The following RASGRP2 variants were observed in gnomAD, a reference collection of about 807,000 sequenced individuals.
RASGRP2 encodes RAS guanyl-releasing protein 2.
RASGRP2 carries 44 observed loss-of-function variants against 71.0 expected under a neutral mutation model. The observed-to-expected ratio is 0.62, with a 90% CI of 0.49 to 0.80. RASGRP2 has a LOEUF of 0.80. Among genes scored for constraint, RASGRP2 ranks in the 30% least tolerant of loss-of-function variants. RASGRP2 has a pLI of 0.00. For synonymous variants in RASGRP2, 350 were observed against 330.7 expected, an observed-to-expected ratio of 1.06 and a Z score of -0.63; for missense variants, 663 against 813.4, an observed-to-expected ratio of 0.82 and a Z score of 2.25.
In RASGRP2 at chr11:64,743,605, C is replaced by A; in HGVS notation, c.-72+398G>T. 1 of 386,388 alleles carries A rather than the reference C, an allele frequency of 2.6e-6. No homozygotes were observed. The highest frequency in any genetic ancestry group is 8.6e-5 in the East Asian group (1 of 11,656). 23.9% of individuals were successfully genotyped at this position (386,388 alleles called of 1,614,324 possible). A position where few individuals can be genotyped will look rare whatever the true frequency, so the allele number is the denominator to read the frequency against. ...GCCTGGGAACTGAGCGCTCCCAGGC[C>A]ACCTCCGCAAAGGTCCCAGGGGTCC... On this transcript the variant is annotated intron_variant, in intron 1 of 16. Coordinates refer to ENST00000394432, the MANE Select transcript of RASGRP2 (RefSeq NM_001098671.2). This position sits in a 1 kb window ranked among gnomAD's most constrained non-coding sequence, Gnocchi z 4.9.
chr11:64,741,489 G>T lies in RASGRP2; in HGVS notation c.189C>A (p.Ser63=). The T allele has an allele frequency of 6.3e-7, 1 of 1,580,650 alleles. No individual in the cohort carries two copies. The highest frequency in any genetic ancestry group is 2.3e-5 in the East Asian group (1 of 43,688). Residue 63 remains serine (S), a synonymous_variant, in exon 4 of 17, where the codon TCC becomes TCA. Transcript: ENST00000394432. ...GCAGGGAATTGGAGTTGTCCTTCCG[G>T]GATTGTTGGTAGGTGAAGGAGAGGG... ...AAKLLHIYQQ[S]RKDNSNSLQV... is the part of the protein sequence containing the mutation.
At chr11:64,741,529 T>C in intron 3 of RASGRP2, 28 bp from the exon 4 acceptor site, 1 of 1,539,036 alleles carries the variant, frequency 6.5e-7, no homozygotes, top group Non-Finnish European at 8.9e-7. Flanking sequence ...GGAGGCCGCT[T>C]AACTCTAGAA....
At chr11:64,731,477 A>C (rs2057768207) in intron 12 of RASGRP2, among the ~76,000 whole-genome samples, 1 of 152,212 alleles carries the variant, frequency 6.6e-6, no homozygotes. Context: ...TATTGAGCAC[A>C]CAAAAGTTTT....
chr11:64,743,984 A>T lies in RASGRP2; in HGVS notation c.-72+19T>A. The T allele has an allele frequency of 2.0e-6, 2 of 988,904 alleles. No homozygotes were observed. Among genetic ancestry groups the T allele is most frequent in the Non-Finnish European group, 2.4e-6 (2 of 831,302 alleles). The allele number at this position is 988,904 out of a possible 1,614,324, so 61.3% of individuals were successfully genotyped here. On this transcript the variant is annotated intron_variant, in intron 1 of 16. Coordinates refer to ENST00000394432, the MANE Select transcript of RASGRP2 (RefSeq NM_001098671.2). This position sits in a 1 kb window ranked among gnomAD's most constrained non-coding sequence, Gnocchi z 4.9. Reference sequence around the variant, plus strand: ...CACCCTGTGCACACCTGCACGAAGAAACCCTCAGGCACACATACCCAGCTC... The same window carrying T: ...CACCCTGTGCACACCTGCACGAAGATACCCTCAGGCACACATACCCAGCTC...
At chr11:64,728,491 G>A (rs558375185) in intron 15 of RASGRP2, among the ~76,000 whole-genome samples, 16 of 151,366 alleles carry the variant, frequency 1.1e-4, no homozygotes, top group South Asian at 2.1e-4. Context: ...GCAGTGGCGC[G>A]ATCTCGGCTC....
chr11:64,737,132 A>C, intron 8 of RASGRP2, 98 bp from the exon 9 acceptor site: 1 of 1,484,882 alleles, frequency 6.7e-7, no homozygotes, highest in Non-Finnish European at 9.2e-7. Context: ...AGGGTCAGGG[A>C]CAGGTGAAAG....
chr11:64,742,555 G>C lies in RASGRP2; in HGVS notation c.73+239C>G, dbSNP rs909134412. The C allele has an allele frequency of 1.5e-5, 9 of 609,892 alleles. No homozygotes were observed. The highest frequency in any genetic ancestry group is 2.9e-5 in the Admixed American group (1 of 35,050). 37.8% of individuals were successfully genotyped at this position (609,892 alleles called of 1,614,324 possible). A position where few individuals can be genotyped will look rare whatever the true frequency, so the allele number is the denominator to read the frequency against. ...ATGCCCCTCAAGTGTCAGAGTCCGG[G>C]ACCCGGCCCTCCCTTCGCCGCCGCT... On this transcript the variant is annotated intron_variant, in intron 2 of 16. Coordinates refer to ENST00000394432, the MANE Select transcript of RASGRP2 (RefSeq NM_001098671.2). The surrounding 1 kb of genome is among the most constrained non-coding windows in gnomAD (Gnocchi z 4.7).
rs576014522 is a variant in RASGRP2 at position 64,742,350 on chromosome 11, G to C, written c.74-238C>G. Among the ~76,000 whole-genome samples the C allele has an allele frequency of 3.3e-5, 5 of 152,306 alleles. No individual in the cohort carries two copies. Among genetic ancestry groups the C allele is most frequent in the African/African-American group, 1.2e-4 (5 of 41,572 alleles). ...GAGCGCCCGAGCCGCCCATCGTCCG[G>C]AGGGGAACCAGCTGGGGCGGAAGGA... On this transcript the variant is annotated intron_variant, in intron 2 of 16. Transcript: ENST00000394432. This position sits in a 1 kb window ranked among gnomAD's most constrained non-coding sequence, Gnocchi z 4.7.
At position 64,739,534 on chromosome 11, in the gene RASGRP2, C is replaced by T; in HGVS notation, c.697-58G>A. On this transcript the variant is annotated intron_variant, in intron 7 of 16. Transcript: ENST00000394432. This position sits in a 1 kb window ranked among gnomAD's most constrained non-coding sequence, Gnocchi z 4.2. ...GTCACTGAGTGGGCCCAGAATTTGG[C>T]CCAGCTTATCTAGAGAGAAGGCAGT... is the stretch of plus-strand genomic sequence containing the variant. The T allele has an allele frequency of 6.2e-7, 1 of 1,609,796 alleles. No homozygotes were observed. The highest frequency in any genetic ancestry group is 1.7e-5 in the Admixed American group (1 of 60,012).
At chr11:64,731,130 G>A (rs1196930292) in intron 12 of RASGRP2, among the ~76,000 whole-genome samples, 1 of 152,204 alleles carries the variant, frequency 6.6e-6, no homozygotes, top group Non-Finnish European at 1.5e-5. Flanking sequence ...GCCAAGGCGG[G>A]TGGATCACGA....
Position 64,743,775 on chromosome 11 carries a change from G to A in RASGRP2, c.-72+228C>T, listed in dbSNP as rs937709555. 3 of 274,882 alleles carry A rather than the reference G, an allele frequency of 1.1e-5. No individual in the cohort carries two copies. Among genetic ancestry groups the A allele is most frequent in the Non-Finnish European group, 2.1e-5 (3 of 139,682 alleles). The allele number at this position is 274,882 out of a possible 1,614,324, so 17.0% of individuals were successfully genotyped here. A position where few individuals can be genotyped will look rare whatever the true frequency, so the allele number is the denominator to read the frequency against. ...CGCCAAGGGTGGCCGGTGGGTGCATGACACCATTAGCAACTCCGGTCACTG... is the reference window on the plus strand; with the variant it reads ...CGCCAAGGGTGGCCGGTGGGTGCATAACACCATTAGCAACTCCGGTCACTG... On this transcript the variant is annotated intron_variant, in intron 1 of 16. Transcript: ENST00000394432. This position sits in a 1 kb window ranked among gnomAD's most constrained non-coding sequence, Gnocchi z 4.9.
Position 64,735,650 on chromosome 11 carries a change from C to T in RASGRP2, c.1188G>A (p.Thr396=), listed in dbSNP as rs1043393083. 1.7e-5 allele frequency: 28 copies of T among 1,612,286 alleles called. No homozygotes were observed. Among genetic ancestry groups the T allele is most frequent in the Admixed American group, 1.5e-4 (9 of 59,670 alleles). Residue 396 remains threonine (T), a synonymous_variant, in exon 11 of 17, where the codon ACG becomes ACA. Transcript: ENST00000394432. This position sits in a 1 kb window ranked among gnomAD's most constrained non-coding sequence, Gnocchi z 4.2. ...PRSKSSPTSP[T]SCTPPPRPPV... The stretch of plus-strand genomic sequence containing the variant: ...GGGGCCGGGGTGGTGGGGTGCAACT[C>T]GTGGGGCTGGTTGGCTATGGAAATG...
At position 64,740,134 on chromosome 11, in the gene RASGRP2, G is replaced by A. The variant is rs750670678; in HGVS notation, c.401C>T (p.Thr134Ile). ...VPTYKWKRQVTQRNPVGQKKR... is the reference protein window; with the variant it reads ...VPTYKWKRQVIQRNPVGQKKR... The stretch of plus-strand genomic sequence containing the variant: ...TTTCTGTCCCACAGGGTTCCGCTGA[G>A]TCACCTGCCGCTTCCACTTGTAGGT... The change falls in exon 6 of 17, where the codon ACT (threonine) becomes ATT (isoleucine). Residue 134 changes from threonine to isoleucine, a missense_variant. Thr to Ile is a moderately conservative substitution (Grantham distance 89). Transcript: ENST00000394432. 1.2e-5 allele frequency: 19 copies of A among 1,614,150 alleles called. No individual in the cohort carries two copies. Among genetic ancestry groups the A allele is most frequent in the Non-Finnish European group, 1.6e-5 (19 of 1,180,036 alleles).
At chr11:64,737,650 A>T (rs1434930734) in intron 8 of RASGRP2, among the ~76,000 whole-genome samples, 1 of 144,064 alleles carries the variant, frequency 6.9e-6, no homozygotes, top group Non-Finnish European at 1.5e-5. Context: ...ACTGCACTCC[A>T]GCCTGGCGAC....
Position 64,730,211 on chromosome 11 carries a change from G to T in RASGRP2, c.1413-17C>A. 1 of 1,551,488 alleles carries T rather than the reference G, an allele frequency of 6.4e-7. No individual in the cohort carries two copies. Among genetic ancestry groups the T allele is most frequent in the South Asian group, 1.2e-5 (1 of 84,058 alleles). Reference sequence around the variant, plus strand: ...CAGCCATCCCTGTGGGGAGTTGCGGGGGCGCTTCAGCTCGGGCCCTCCCCA... The same window carrying T: ...CAGCCATCCCTGTGGGGAGTTGCGGTGGCGCTTCAGCTCGGGCCCTCCCCA... On this transcript the variant is annotated splice_polypyrimidine_tract_variant and intron_variant, in intron 12 of 16. Coordinates refer to ENST00000394432, the MANE Select transcript of RASGRP2 (RefSeq NM_001098671.2).
At position 64,739,467 on chromosome 11, in the gene RASGRP2, G is replaced by A. The variant is rs2135780423; in HGVS notation, c.706C>T (p.Gln236Ter). The A allele has an allele frequency of 1.2e-6, 2 of 1,614,188 alleles. No individual in the cohort carries two copies. Among genetic ancestry groups the A allele is most frequent in the East Asian group, 2.2e-5 (1 of 44,882 alleles). ...ATCAGCGTGTTGAAGTTCTGCAGCTGTAGCAGCTTCTGGAAGGCAAATGGG... is the reference window on the plus strand; with the variant it reads ...ATCAGCGTGTTGAAGTTCTGCAGCTATAGCAGCTTCTGGAAGGCAAATGGG... The part of the protein sequence containing the change: ...HFVHVAEKLL[Q>*]LQNFNTLMAV... Residue 236 changes from glutamine to a stop codon, truncating the protein, a stop_gained, in exon 8 of 17, where the codon CAG becomes TAG. Coordinates refer to ENST00000394432, the MANE Select transcript of RASGRP2 (RefSeq NM_001098671.2). LOFTEE classifies it high-confidence loss of function. This position sits in a 1 kb window ranked among gnomAD's most constrained non-coding sequence, Gnocchi z 4.2.
At chr11:64,740,729 A>T in intron 5 of RASGRP2, 1 of 688,234 alleles carries the variant, frequency 1.5e-6, no homozygotes, top group Non-Finnish European at 2.6e-6. Context: ...CAGCGCAGCT[A>T]CAGGAGGAGG....
At position 64,735,897 on chromosome 11, in the gene RASGRP2, C is replaced by T; in HGVS notation, c.1173+6G>A. 1.9e-6 allele frequency: 3 copies of T among 1,613,140 alleles called. No individual in the cohort carries two copies. The highest frequency in any genetic ancestry group is 2.5e-6 in the Non-Finnish European group (3 of 1,179,492). On this transcript the variant is annotated splice_donor_region_variant and intron_variant, in intron 10 of 16. Coordinates refer to ENST00000394432, the MANE Select transcript of RASGRP2 (RefSeq NM_001098671.2). This position sits in a 1 kb window ranked among gnomAD's most constrained non-coding sequence, Gnocchi z 4.2. ...GCAGAGTGGAGAGGAGGGAGTACCCCCTCACCGAGGACTTGGAGCGCGGCT... is the reference window on the plus strand; with the variant it reads ...GCAGAGTGGAGAGGAGGGAGTACCCTCTCACCGAGGACTTGGAGCGCGGCT...
intron 9 of RASGRP2, among the ~76,000 whole-genome samples, chr11:64,736,293 C>T (rs929942780): frequency 2.0e-5 from 3 of 152,176 alleles, no homozygotes; most frequent in African/African-American, 2.4e-5. Flanking sequence ...GCTAAGAATC[C>T]ACTCCAAACC....
Sources: allele counts gnomAD v4.1 joint callset (sites outside exome capture counted in the v4.1 genomes callset), GRCh38; gene constraint gnomAD v4.1.1; non-coding constraint Gnocchi (gnomAD v3.1); transcripts MANE v1.5; gene names NCBI Gene and HGNC (gene_info 2026-07-23, HGNC 2026-07-21).